Variants in FGF12 observed in about 807,000 individuals in gnomAD.
FGF12 encodes the protein fibroblast growth factor 12, also known as fibroblast growth factor 12B.
FGF12 carries 14 observed loss-of-function variants against 23.6 expected under a neutral mutation model. The ratio of observed to expected loss-of-function variants is 0.59; its 90% CI spans 0.39 to 0.93. The LOEUF is 0.93. Among genes scored for constraint, FGF12 ranks in the 40% least tolerant of loss-of-function variants. The pLI, the probability that FGF12 is intolerant of heterozygous loss-of-function variation, is 0.00. For synonymous variants in FGF12, 62 were observed against 77.3 expected, an observed-to-expected ratio of 0.80 and a Z score of 1.04; for missense variants, 175 against 217.8, an observed-to-expected ratio of 0.80 and a Z score of 1.24.
chr3:192,658,423 A>G (rs984209360), intron 2 of FGF12, among the ~76,000 whole-genome samples: 5 of 152,170 alleles, frequency 3.3e-5, no homozygotes, highest in African/African-American at 1.2e-4. Flanking sequence ...TGCTGCTACC[A>G]GCAGTTTTAT....
chr3:192,247,515 G>C (rs1050081468), intron 4 of FGF12, among the ~76,000 whole-genome samples: 1 of 152,164 alleles, frequency 6.6e-6, no homozygotes, highest in African/African-American at 2.4e-5. Flanking sequence ...TCTGTCAAAA[G>C]AGCATAAGGA....
At chr3:192,490,669 A>G (rs951752857) in intron 2 of FGF12, among the ~76,000 whole-genome samples, 11 of 152,168 alleles carry the variant, frequency 7.2e-5, no homozygotes, top group African/African-American at 2.7e-4. Context: ...TGAGTGGTAA[A>G]AAGGATAATG....
intron 2 of FGF12, among the ~76,000 whole-genome samples, chr3:192,378,751 T>G (rs1027690400): frequency 2.6e-5 from 4 of 152,144 alleles, no homozygotes; most frequent in Non-Finnish European, 4.4e-5. Flanking sequence ...TTGTGGGCTA[T>G]ATCTATATTT....
At chr3:192,349,542 T>C (rs752513697) in intron 3 of FGF12, among the ~76,000 whole-genome samples, 35 of 152,210 alleles carry the variant, frequency 2.3e-4, no homozygotes, top group Non-Finnish European at 4.4e-4. Flanking sequence ...TATGGGCAAA[T>C]ATACCATTTG....
chr3:192,146,130 A>AC (rs1211477274), intron 5 of FGF12, among the ~76,000 whole-genome samples: 2 of 152,146 alleles, frequency 1.3e-5, no homozygotes, highest in Non-Finnish European at 2.9e-5. Context: ...TCTGCAGGTC[A>AC]CCCCACAGAT....
intron 5 of FGF12, among the ~76,000 whole-genome samples, chr3:192,158,383 T>TTTC (rs771206580): frequency 0.067 from 5,704 of 84,730 alleles, 175 homozygotes; most frequent in Admixed American, 0.09. Flanking sequence ...TCTTTCTTTC[T>TTTC]TTTCTTTCTC....
At chr3:192,381,649 G>T (rs1699949139) in intron 2 of FGF12, among the ~76,000 whole-genome samples, 1 of 152,194 alleles carries the variant, frequency 6.6e-6, no homozygotes. Context: ...CATTGAAGAT[G>T]AGTGTAAAGA....
chr3:192,332,941 T>C (rs1717201392), intron 4 of FGF12, among the ~76,000 whole-genome samples: 2 of 152,108 alleles, frequency 1.3e-5, no homozygotes, highest in Admixed American at 1.3e-4. Context: ...GCGAAAGCAT[T>C]GTGATTCTAG....
At chr3:192,560,835 GA>G (rs1170168592) in intron 2 of FGF12, among the ~76,000 whole-genome samples, 2 of 151,810 alleles carry the variant, frequency 1.3e-5, no homozygotes, top group Non-Finnish European at 2.9e-5. Context: ...ACCTATTACT[GA>G]AAAAAAGGCA....
intron 2 of FGF12, among the ~76,000 whole-genome samples, chr3:192,456,537 T>G (rs1722686718): frequency 6.6e-6 from 1 of 152,242 alleles, no homozygotes; most frequent in Non-Finnish European, 1.5e-5. Flanking sequence ...TGAAATGATC[T>G]AATTTGATTC....
chr3:192,461,703 AC>A (rs1455834880), intron 2 of FGF12, among the ~76,000 whole-genome samples: 2 of 152,100 alleles, frequency 1.3e-5, no homozygotes. Flanking sequence ...AATCATTATT[AC>A]TTGGCCAGGC....
At chr3:192,406,266 A>T (rs1333668943) in intron 2 of FGF12, among the ~76,000 whole-genome samples, 1 of 151,838 alleles carries the variant, frequency 6.6e-6, no homozygotes, top group Non-Finnish European at 1.5e-5. Flanking sequence ...GGATCAGTTT[A>T]TGTTACCCGT....
At position 192,614,929 on chromosome 3, in the gene FGF12, G is replaced by GT. The variant is rs141717055; in HGVS notation, c.13+112251dup. Among the ~76,000 whole-genome samples, 429 of 151,876 alleles carry GT rather than the reference G, an allele frequency of 2.8e-3. 3 individuals are homozygous for GT. Among genetic ancestry groups the GT allele is most frequent in the East Asian group, 0.017 (85 of 5,150 alleles). On this transcript the variant is annotated intron_variant, in intron 2 of 5. Transcript: ENST00000445105. ...GTTTTTGTTTTATTTGTTTACAGGG[G>GT]TTTTTTTCTCCATTATATCACTCTC...
intron 2 of FGF12, among the ~76,000 whole-genome samples, chr3:192,477,116 A>G (rs1390029690): frequency 6.6e-6 from 1 of 152,216 alleles, no homozygotes; most frequent in Non-Finnish European, 1.5e-5. Context: ...GGGCTACCCA[A>G]ATCCAGGGGA....
chr3:192,412,567 T>A (rs994937719), intron 2 of FGF12, among the ~76,000 whole-genome samples: 3 of 152,244 alleles, frequency 2.0e-5, no homozygotes, highest in African/African-American at 7.2e-5. Flanking sequence ...CTCCTGCAGC[T>A]ATTGTCAGAG....
chr3:192,428,698 A>T lies in FGF12; in HGVS notation c.14-68160T>A, dbSNP rs1050499524. Reference sequence around the variant, plus strand: ...GACAATGTCAGACTTTGAAACAGTAAAATATGAGAGAAAAAAAACCTGTAT... The same window carrying T: ...GACAATGTCAGACTTTGAAACAGTATAATATGAGAGAAAAAAAACCTGTAT... On this transcript the variant is annotated intron_variant, in intron 2 of 5. Coordinates refer to ENST00000445105, the MANE Select transcript of FGF12 (RefSeq NM_004113.6). Among the ~76,000 whole-genome samples, 8 of 152,148 alleles carry T rather than the reference A, an allele frequency of 5.3e-5. No individual in the cohort carries two copies. The East Asian group carries it at 1.5e-3, about 29-fold the overall frequency.
rs1717966309 is a variant in FGF12 at position 192,692,285 on chromosome 3, GT to G, written c.13+34895del. On this transcript the variant is annotated intron_variant, in intron 2 of 5. Transcript: ENST00000445105. The stretch of plus-strand genomic sequence containing the variant: ...CTTCAATAAAATACTAGTAAACCAA[GT>G]TTTACAACTCATCTAAAAAGTTATA... Among the ~76,000 whole-genome samples the G allele has an allele frequency of 2.0e-5, 3 of 152,040 alleles. No homozygotes were observed. The South Asian group carries it at 6.2e-4, about 32-fold the overall frequency.
intron 3 of FGF12, among the ~76,000 whole-genome samples, chr3:192,349,963 A>G (rs1994856): frequency 0.45 from 68,464 of 151,978 alleles, 16,713 homozygotes; most frequent in East Asian, 0.84. Context: ...TACAAAATGC[A>G]GATAAAGCTC....
intron 2 of FGF12, among the ~76,000 whole-genome samples, chr3:192,665,032 C>T (rs1716811976): frequency 6.6e-6 from 1 of 152,058 alleles, no homozygotes; most frequent in East Asian, 1.9e-4. Flanking sequence ...GTGCATTAAT[C>T]CTGAAAATCC....
Sources: gnomAD v4.1 joint callset for allele counts (sites outside exome capture counted in the v4.1 genomes callset) on GRCh38, gnomAD v4.1.1 for gene constraint, MANE v1.5 for transcripts, NCBI Gene and HGNC (gene_info 2026-07-23, HGNC 2026-07-21) for gene names.